AGTR1: variants seen among roughly 807,000 people sequenced by gnomAD.
The protein encoded by AGTR1 is type-1 angiotensin II receptor.
In AGTR1, 16 loss-of-function variants were observed where a neutral mutation model predicts 19.4. The ratio of observed to expected loss-of-function variants is 0.82; its 90% confidence interval spans 0.56 to 1.25. AGTR1 has a LOEUF of 1.25. AGTR1 is among the 50% of genes most tolerant of loss of function. AGTR1 has a pLI of 0.00. For missense variants in AGTR1, 373 were observed against 431.9 expected (o/e 0.86, Z 1.21); for synonymous variants, 153 against 154.9 (o/e 0.99, Z 0.09).
chr3:148,730,081 A>G, intron 2 of AGTR1: 3 of 393,668 alleles, frequency 7.6e-6, no homozygotes, highest in Non-Finnish European at 1.3e-5. Context: ...CCATGATCTC[A>G]TTCGGTGTTT....
chr3:148,740,997 G>T lies in AGTR1; in HGVS notation c.-39G>T, dbSNP rs1338645528. On this transcript the variant is annotated 5_prime_UTR_variant, in exon 3 of 3. An upstream open reading frame in the 5' UTR loses its in-frame stop. Coordinates refer to ENST00000349243, the MANE Select transcript of AGTR1 (RefSeq NM_000685.5). Reference sequence around the variant, plus strand: ...ATTTTTATTTTCCCCAGGTGTATTTGATATAGTGTTTGCAACAAATTCGAC... The same window carrying T: ...ATTTTTATTTTCCCCAGGTGTATTTTATATAGTGTTTGCAACAAATTCGAC... 1.9e-6 allele frequency: 3 copies of T among 1,611,896 alleles called. No individual in the cohort carries two copies. Among genetic ancestry groups the T allele is most frequent in the Non-Finnish European group, 2.5e-6 (3 of 1,179,016 alleles).
rs1714975270 is a variant in AGTR1, at chr3:148,742,504, T to G, written c.*389T>G. On this transcript the variant is annotated 3_prime_UTR_variant, in exon 3 of 3. Coordinates refer to ENST00000349243, the MANE Select transcript of AGTR1 (RefSeq NM_000685.5). The stretch of plus-strand genomic sequence containing the variant: ...TAGAGGAGCAACAGGAGATGAGAGT[T>G]CCAGATTGTTCTGTCCAGTTTCCAA... 3 of 358,014 alleles carry G rather than the reference T, an allele frequency of 8.4e-6. No individual in the cohort carries two copies. The highest frequency in any genetic ancestry group is 1.1e-5 in the Non-Finnish European group (2 of 177,938). The allele number at this position is 358,014 out of a possible 1,614,324, so 22.2% of individuals were successfully genotyped here. A position where few individuals can be genotyped will look rare whatever the true frequency, so the allele number is the denominator to read the frequency against.
intron 2 of AGTR1, among the ~76,000 whole-genome samples, chr3:148,725,100 CAT>C (rs1263472685): frequency 2.6e-5 from 4 of 152,134 alleles, no homozygotes; most frequent in Non-Finnish European, 4.4e-5. Flanking sequence ...ACAATTACCA[CAT>C]GTTAAGTCAG....
chr3:148,737,047 C>T (rs1279685459), intron 2 of AGTR1, among the ~76,000 whole-genome samples: 2 of 152,140 alleles, frequency 1.3e-5, no homozygotes, highest in Non-Finnish European at 2.9e-5. Context: ...TACTGTTTCC[C>T]ACTCATTTAT....
chr3:148,739,786 C>G, intron 2 of AGTR1: 6 of 1,231,574 alleles, frequency 4.9e-6, no homozygotes, highest in Non-Finnish European at 6.1e-6. Context: ...ATTTCTGCTC[C>G]TCTTTTTCCC....
In AGTR1 at chr3:148,741,626, G is replaced by C. The variant is rs748573745; in HGVS notation, c.591G>C (p.Leu197=). 7 of 1,613,924 alleles carry C rather than the reference G, an allele frequency of 4.3e-6. 1 individual carries two copies. In the South Asian group the frequency reaches 5.5e-5, roughly 13 times the overall value. The change falls in exon 3 of 3, where the codon CTG becomes CTC. Residue 197 remains leucine, a synonymous_variant. Transcript: ENST00000349243. ...CAACCCTCCCGATAGGGCTGGGCCT[G>C]ACCAAAAATATACTGGGTTTCCTGT... ...QNSTLPIGLG[L]TKNILGFLFP... is the part of the protein sequence containing the mutation.
In AGTR1 at chr3:148,741,065, T is replaced by C. The variant is rs747843312; in HGVS notation, c.30T>C (p.Gly10=). 3.7e-6 allele frequency: 6 copies of C among 1,613,728 alleles called. No homozygotes were observed. The highest frequency in any genetic ancestry group is 2.2e-5 in the East Asian group (1 of 44,902). The change falls in exon 3 of 3, where the codon GGT becomes GGC. Residue 10 remains glycine, a synonymous_variant. Coordinates refer to ENST00000349243, the MANE Select transcript of AGTR1 (RefSeq NM_000685.5). The part of the protein sequence containing the change: MILNSSTED[G]IKRIQDDCPK... ...TTCTCAACTCTTCTACTGAAGATGG[T>C]ATTAAAAGAATCCAAGATGATTGTC...
chr3:148,719,577 G>A (rs1394349017), intron 2 of AGTR1, among the ~76,000 whole-genome samples: 1 of 152,228 alleles, frequency 6.6e-6, no homozygotes, highest in African/African-American at 2.4e-5. Flanking sequence ...CAACTTGCCT[G>A]TGCTGTTCTC....
intron 2 of AGTR1, among the ~76,000 whole-genome samples, chr3:148,724,430 C>G (rs545540312): frequency 5.3e-5 from 8 of 152,298 alleles, no homozygotes; most frequent in African/African-American, 1.7e-4. Context: ...AAACAAAAGA[C>G]TGTAGAGAAT....
chr3:148,734,030 G>A (rs200723787), intron 2 of AGTR1, among the ~76,000 whole-genome samples: 1 of 151,990 alleles, frequency 6.6e-6, no homozygotes, highest in Non-Finnish European at 1.5e-5. Flanking sequence ...AAATAAAAAC[G>A]ACAAAAACAG....
At chr3:148,702,177 A>G (rs1712386329) in intron 1 of AGTR1, among the ~76,000 whole-genome samples, 1 of 151,962 alleles carries the variant, frequency 6.6e-6, no homozygotes, top group Non-Finnish European at 1.5e-5. Context: ...GAGGTTCGCC[A>G]TGTTGGCCAG....
At chr3:148,726,794 A>G (rs1713968930) in intron 2 of AGTR1, among the ~76,000 whole-genome samples, 2 of 152,188 alleles carry the variant, frequency 1.3e-5, no homozygotes, top group Admixed American at 1.3e-4. Context: ...GCATATCACA[A>G]CTTCAAATGT....
chr3:148,701,019 T>C (rs1313153126), intron 1 of AGTR1, among the ~76,000 whole-genome samples: 1 of 152,244 alleles, frequency 6.6e-6, no homozygotes, highest in Non-Finnish European at 1.5e-5. Flanking sequence ...GTTTTATTCA[T>C]AATATGAACT....
intron 2 of AGTR1, among the ~76,000 whole-genome samples, 190 bp downstream of exon 2, chr3:148,708,217 T>C (rs1712782817): frequency 6.6e-6 from 1 of 152,176 alleles, no homozygotes; most frequent in African/African-American, 2.4e-5. Context: ...ATTTATATGG[T>C]TTTAAACATA....
In AGTR1 at chr3:148,716,765, G is replaced by GT. The variant is rs1448140243; in HGVS notation, c.-48+8744dup. ...AAGTTGCATTTTAAGCAAGATTATG[G>GT]TTTTTTCTTTGAGTTCTCTGAATTT... On this transcript the variant is annotated intron_variant, in intron 2 of 2. Coordinates refer to ENST00000349243, the MANE Select transcript of AGTR1 (RefSeq NM_000685.5). The surrounding 1 kb of genome is among the most constrained non-coding windows in gnomAD (Gnocchi z 4.7). 2.0e-5 allele frequency among the ~76,000 whole-genome samples: 3 copies of GT among 152,212 alleles called. No homozygotes were observed. Among genetic ancestry groups the GT allele is most frequent in the Non-Finnish European group, 2.9e-5 (2 of 67,990 alleles).
intron 2 of AGTR1, among the ~76,000 whole-genome samples, chr3:148,725,996 G>A (rs1713910926): frequency 6.6e-6 from 1 of 152,054 alleles, no homozygotes; most frequent in Non-Finnish European, 1.5e-5. Flanking sequence ...TACTGAATGG[G>A]TATAATATAC....
intron 1 of AGTR1, among the ~76,000 whole-genome samples, chr3:148,701,674 T>C (rs192142868): frequency 3.3e-5 from 5 of 152,268 alleles, no homozygotes; most frequent in Non-Finnish European, 1.5e-5. Context: ...TCACATGTAA[T>C]TTTTTTAACA....
Position 148,742,172 on chromosome 3 carries a change from C to G in AGTR1, c.*57C>G. 1 of 1,593,610 alleles carries G rather than the reference C, an allele frequency of 6.3e-7. No homozygotes were observed. Among genetic ancestry groups the G allele is most frequent in the Non-Finnish European group, 8.6e-7 (1 of 1,161,706 alleles). On this transcript the variant is annotated 3_prime_UTR_variant, in exon 3 of 3. Coordinates refer to ENST00000349243, the MANE Select transcript of AGTR1 (RefSeq NM_000685.5). ...GTGAAAGAAGGAGCAAGAGAACATT[C>G]CTCTGCAGCACTTCACTACCAAATG...
At chr3:148,710,024 G>T (rs12721202) in intron 2 of AGTR1, among the ~76,000 whole-genome samples, 2,218 of 152,148 alleles carry the variant, frequency 0.015, 44 homozygotes, top group African/African-American at 0.05. Flanking sequence ...TAAAAATTCA[G>T]CCCCTCTGTT....
Sources: allele counts gnomAD v4.1 joint callset (sites outside exome capture counted in the v4.1 genomes callset), GRCh38; gene constraint gnomAD v4.1.1; non-coding constraint Gnocchi (gnomAD v3.1); transcripts MANE v1.5; gene names NCBI Gene and HGNC (gene_info 2026-07-23, HGNC 2026-07-21).